KCNQ5: variants seen among roughly 807,000 people sequenced by gnomAD.
The protein encoded by KCNQ5 is potassium voltage-gated channel subfamily KQT member 5.
In KCNQ5, 30 loss-of-function variants were observed where a neutral mutation model predicts 98.2. That is an observed-to-expected ratio of 0.31 (90% CI 0.23 to 0.41). KCNQ5 has a LOEUF of 0.41. Among genes scored for constraint, KCNQ5 ranks in the 10% least tolerant of loss-of-function variants. The pLI, the probability that KCNQ5 is intolerant of heterozygous loss-of-function variation, is 1.00. For synonymous variants in KCNQ5, 458 were observed against 449.4 expected (o/e 1.02, Z -0.24); for missense variants, 835 against 1,182.5 (o/e 0.71, Z 4.31).
intron 1 of KCNQ5, among the ~76,000 whole-genome samples, chr6:72,937,013 G>A (rs376527119): frequency 9.2e-5 from 14 of 152,086 alleles, no homozygotes; most frequent in Non-Finnish European, 1.2e-4. Context: ...AGCTATATGC[G>A]TCTCCAGAGA....
intron 1 of KCNQ5, among the ~76,000 whole-genome samples, chr6:72,869,201 TA>T (rs1413456194): frequency 6.6e-6 from 1 of 152,188 alleles, no homozygotes; most frequent in Non-Finnish European, 1.5e-5. Context: ...TAGTCTCTGA[TA>T]AGAGAAAAAC....
chr6:73,134,547 G>A (rs936443496), intron 10 of KCNQ5, among the ~76,000 whole-genome samples: 25 of 152,218 alleles, frequency 1.6e-4, no homozygotes, highest in African/African-American at 6.0e-4. Context: ...GAGGATCCCT[G>A]CAGTGAAGTC....
chr6:72,949,026 C>G (rs1766674995), intron 1 of KCNQ5, among the ~76,000 whole-genome samples: 1 of 152,010 alleles, frequency 6.6e-6, no homozygotes, highest in South Asian at 2.1e-4. Context: ...CCTTGATTGG[C>G]AATGTTCGTA....
At chr6:72,976,627 T>C (rs755922856) in intron 1 of KCNQ5, among the ~76,000 whole-genome samples, 2 of 152,240 alleles carry the variant, frequency 1.3e-5, no homozygotes, top group Non-Finnish European at 2.9e-5. Context: ...TGTGAATTCA[T>C]TAGCATGGTA....
chr6:72,952,448 T>C (rs1471765663), intron 1 of KCNQ5, among the ~76,000 whole-genome samples: 1 of 152,168 alleles, frequency 6.6e-6, no homozygotes, highest in Non-Finnish European at 1.5e-5. Context: ...TAAACATAGC[T>C]CATAACTTCT....
intron 1 of KCNQ5, among the ~76,000 whole-genome samples, chr6:72,830,955 A>G (rs541294943): frequency 1.3e-5 from 2 of 152,246 alleles, no homozygotes. Context: ...GAAGACATTT[A>G]TGCAGCCAAC....
intron 1 of KCNQ5, among the ~76,000 whole-genome samples, chr6:72,798,410 G>T (rs1774455003): frequency 6.6e-6 from 1 of 152,196 alleles, no homozygotes; most frequent in Non-Finnish European, 1.5e-5. Context: ...GTTTAAAGTT[G>T]TTATGACAGA....
intron 1 of KCNQ5, among the ~76,000 whole-genome samples, chr6:72,940,471 A>G (rs1173773740): frequency 2.0e-5 from 3 of 152,100 alleles, no homozygotes; most frequent in Non-Finnish European, 4.4e-5. Context: ...AAGGGCTGCA[A>G]CAGTCATGTC....
chr6:72,799,058 A>T (rs1774491542), intron 1 of KCNQ5, among the ~76,000 whole-genome samples: 1 of 152,158 alleles, frequency 6.6e-6, no homozygotes, highest in Non-Finnish European at 1.5e-5. Context: ...CCAGAGAAAC[A>T]ACCAGTAAGA....
chr6:73,168,117 AT>A (rs1350923301), intron 10 of KCNQ5, among the ~76,000 whole-genome samples: 2 of 152,188 alleles, frequency 1.3e-5, no homozygotes, highest in Non-Finnish European at 2.9e-5. Flanking sequence ...GTATCTCATC[AT>A]CTCTTCCCGC....
At position 72,930,857 on chromosome 6, in the gene KCNQ5, C is replaced by T. The variant is rs149301313; in HGVS notation, c.399-73051C>T. ...TACTTGTTTAAATTAAATCTGCTATCTCAAGCTGTCCTGTGTCTTAATACA... is the reference window on the plus strand; with the variant it reads ...TACTTGTTTAAATTAAATCTGCTATTTCAAGCTGTCCTGTGTCTTAATACA... On this transcript the variant is annotated intron_variant, in intron 1 of 13. Coordinates refer to ENST00000370398, the MANE Select transcript of KCNQ5 (RefSeq NM_019842.4). 1.1e-3 allele frequency among the ~76,000 whole-genome samples: 165 copies of T among 152,252 alleles called. 2 individuals carry two copies. Among genetic ancestry groups the T allele is most frequent in the African/African-American group, 3.8e-3 (159 of 41,564 alleles).
At chr6:73,124,980 T>TATATATATATAC (rs1204206268) in intron 9 of KCNQ5, among the ~76,000 whole-genome samples, 1 of 22,840 alleles carries the variant, frequency 4.4e-5, no homozygotes. Flanking sequence ...TATATATATA[T>TATATATATATAC]ACACACACAC....
chr6:72,657,408 C>T (rs1424719424), intron 1 of KCNQ5, among the ~76,000 whole-genome samples: 3 of 152,234 alleles, frequency 2.0e-5, no homozygotes, highest in African/African-American at 7.2e-5. Flanking sequence ...TTCTCATCCT[C>T]TATAAAAATT....
At chr6:73,120,979 C>T (rs1278421525) in intron 8 of KCNQ5, among the ~76,000 whole-genome samples, 2 of 152,090 alleles carry the variant, frequency 1.3e-5, no homozygotes, top group Non-Finnish European at 2.9e-5. Flanking sequence ...CATCTTTGTA[C>T]GTTTAGATCT....
At chr6:72,706,644 A>ACCTTAG (rs1769098475) in intron 1 of KCNQ5, among the ~76,000 whole-genome samples, 1 of 152,118 alleles carries the variant, frequency 6.6e-6, no homozygotes, top group Non-Finnish European at 1.5e-5. Context: ...TACCTTAGTC[A>ACCTTAG]GTTCCTAATA....
intron 5 of KCNQ5, among the ~76,000 whole-genome samples, chr6:73,094,807 T>C (rs1774410308): frequency 6.6e-6 from 1 of 152,102 alleles, no homozygotes; most frequent in Non-Finnish European, 1.5e-5. Context: ...ATCTAATAGG[T>C]TTTTATTTAT....
chr6:73,031,949 G>A (rs965609459), intron 2 of KCNQ5, among the ~76,000 whole-genome samples: 8 of 152,214 alleles, frequency 5.3e-5, no homozygotes, highest in Middle Eastern at 3.4e-3. Flanking sequence ...TAACTCCTCC[G>A]TAAGAAAAGA....
At chr6:72,884,943 G>A (rs1226970519) in intron 1 of KCNQ5, among the ~76,000 whole-genome samples, 1 of 152,006 alleles carries the variant, frequency 6.6e-6, no homozygotes, top group Non-Finnish European at 1.5e-5. Flanking sequence ...TTAAAATGTA[G>A]GTCATGGCTA....
At chr6:72,635,477 A>T (rs906170061) in intron 1 of KCNQ5, among the ~76,000 whole-genome samples, 6 of 152,132 alleles carry the variant, frequency 3.9e-5, no homozygotes, top group Non-Finnish European at 7.4e-5. Flanking sequence ...TGTTTACTCC[A>T]AACTGATTTT....
Sources: gnomAD v4.1 joint callset for allele counts (sites outside exome capture counted in the v4.1 genomes callset) on GRCh38, gnomAD v4.1.1 for gene constraint, MANE v1.5 for transcripts, NCBI Gene and HGNC (gene_info 2026-07-23, HGNC 2026-07-21) for gene names.